The following PTPN12 variants were observed in gnomAD, a reference collection of about 807,000 sequenced individuals.
PTPN12 encodes the protein protein tyrosine phosphatase non-receptor type 12.
A neutral mutation model predicts 97.6 loss-of-function variants in PTPN12; 29 were observed. The ratio of observed to expected loss-of-function variants is 0.30; its 90% CI spans 0.22 to 0.41. The LOEUF (loss-of-function observed/expected upper bound fraction) is 0.41. Among genes scored for constraint, PTPN12 ranks in the 10% least tolerant of loss-of-function variants. The pLI, the probability that PTPN12 is intolerant of heterozygous loss-of-function variation, is 1.00. For missense variants in PTPN12, 819 were observed against 926.0 expected (o/e 0.88, Z 1.50); for synonymous variants, 327 against 300.4 (o/e 1.09, Z -0.91).
At chr7:77,544,602 A>G (rs1372264386) in intron 1 of PTPN12, among the ~76,000 whole-genome samples, 1 of 152,258 alleles carries the variant, frequency 6.6e-6, no homozygotes, top group Non-Finnish European at 1.5e-5. Flanking sequence ...TGAAAGTAAG[A>G]CATTAACATT....
intron 1 of PTPN12, among the ~76,000 whole-genome samples, chr7:77,542,835 T>C (rs1807044653): frequency 6.6e-6 from 1 of 152,042 alleles, no homozygotes; most frequent in East Asian, 1.9e-4. Context: ...CCAGTAGAAA[T>C]GTAGAGCTCA....
intron 6 of PTPN12, among the ~76,000 whole-genome samples, chr7:77,595,116 G>GTGGTT (rs1435074474): frequency 1.3e-5 from 2 of 152,330 alleles, no homozygotes; most frequent in Non-Finnish European, 2.9e-5. Context: ...CTCTAGATAA[G>GTGGTT]TGGTTTGGTT....
At chr7:77,602,188 AG>A (rs1788212885) in intron 8 of PTPN12, among the ~76,000 whole-genome samples, 1 of 151,766 alleles carries the variant, frequency 6.6e-6, no homozygotes, top group South Asian at 2.1e-4. Context: ...GTATTCTAGA[AG>A]GGGGGTTAAT....
At position 77,573,105 on chromosome 7, in the gene PTPN12, C is replaced by CAACAAAAA. The variant is rs1554314864; in HGVS notation, c.208+1921_208+1922insCAAAAAAA. On this transcript the variant is annotated intron_variant, in intron 2 of 17. Transcript: ENST00000248594. ...CTCAAAAAAAAAAAAAACAAAAAAACAAAAAAAACCAGTGTACCTAGCACA... is the reference window on the plus strand; with the variant it reads ...CTCAAAAAAAAAAAAAACAAAAAAACAACAAAAAAAAAAAAACCAGTGTACCTAGCACA... Among the ~76,000 whole-genome samples, 9 of 47,844 alleles carry CAACAAAAA rather than the reference C, an allele frequency of 1.9e-4. 3 individuals are homozygous for CAACAAAAA. The highest frequency in any genetic ancestry group is 9.8e-4 in the African/African-American group (8 of 8,144). The allele number at this position is 47,844 out of a possible 152,430, so 31.4% of individuals were successfully genotyped here.
intron 14 of PTPN12, among the ~76,000 whole-genome samples, chr7:77,633,970 C>G (rs1468214770): frequency 6.6e-6 from 1 of 152,152 alleles, no homozygotes; most frequent in Non-Finnish European, 1.5e-5. Context: ...TTGCAGCGAG[C>G]TGAGACCACG....
intron 1 of PTPN12, chr7:77,538,776 G>A (rs1180578753): frequency 1.3e-5 from 2 of 151,632 alleles, no homozygotes; most frequent in Non-Finnish European, 2.9e-5. Flanking sequence ...GTTGTTTCCC[G>A]GCTTAGGAGG....
intron 12 of PTPN12, among the ~76,000 whole-genome samples, chr7:77,623,582 G>A (rs570407655): frequency 2.6e-5 from 4 of 152,202 alleles, no homozygotes; most frequent in East Asian, 1.9e-4. Flanking sequence ...GTCATGGCGC[G>A]TGCCTATAAT....
chr7:77,583,140 A>C (rs746766834), intron 3 of PTPN12, among the ~76,000 whole-genome samples: 16 of 152,212 alleles, frequency 1.1e-4, no homozygotes, highest in Non-Finnish European at 1.9e-4. Context: ...TGAGTTGAAT[A>C]GATAATGGAA....
intron 14 of PTPN12, among the ~76,000 whole-genome samples, chr7:77,632,754 G>A (rs1232809053): frequency 2.0e-5 from 3 of 151,578 alleles, no homozygotes; most frequent in Admixed American, 6.6e-5. Context: ...GTCAGGAGTT[G>A]GAGACCAGCC....
intron 13 of PTPN12, among the ~76,000 whole-genome samples, chr7:77,628,560 ATTTTT>A (rs34494082): frequency 7.0e-6 from 1 of 143,806 alleles, no homozygotes; most frequent in Non-Finnish European, 1.5e-5. Flanking sequence ...ACCTTGAAAG[ATTTTT>A]TTTTTTTTTT....
At position 77,627,106 on chromosome 7, in the gene PTPN12, C is replaced by G. The variant is rs766786152; in HGVS notation, c.1427C>G (p.Ser476Cys). The part of the protein sequence containing the change: ...SASPCIADKI[S>C]KPQELSSDLN... ...TCACCTTGTATAGCTGATAAAATCTCTAAGCCACAGGAATTAAGTTCAGAT... is the reference window on the plus strand; with the variant it reads ...TCACCTTGTATAGCTGATAAAATCTGTAAGCCACAGGAATTAAGTTCAGAT... Residue 476 changes from serine to cysteine, a missense_variant, in exon 13 of 18, where the codon TCT (serine) becomes TGT (cysteine). Physicochemically the swap from Ser to Cys is moderately radical, Grantham distance 112. Coordinates refer to ENST00000248594, the MANE Select transcript of PTPN12 (RefSeq NM_002835.4). 10 of 1,614,156 alleles carry G rather than the reference C, an allele frequency of 6.2e-6. No homozygotes were observed. In the South Asian group the frequency reaches 1.1e-4, roughly 18 times the overall value.
intron 14 of PTPN12, among the ~76,000 whole-genome samples, chr7:77,634,060 T>G (rs1321090674): frequency 1.3e-5 from 2 of 151,946 alleles, no homozygotes; most frequent in Non-Finnish European, 2.9e-5. Context: ...ATTAGCCAGG[T>G]GTGGTGGCAT....
At position 77,537,317 on chromosome 7, in the gene PTPN12, T is replaced by C. The variant is rs1423444339; in HGVS notation, c.-230T>C. The C allele has an allele frequency of 1.3e-5, 6 of 452,774 alleles. No individual in the cohort carries two copies. The highest frequency in any genetic ancestry group is 1.9e-5 in the Non-Finnish European group (5 of 270,232). The allele number at this position is 452,774 out of a possible 1,614,324, so 28.0% of individuals were successfully genotyped here. On this transcript the variant is annotated 5_prime_UTR_variant, in exon 1 of 18. Coordinates refer to ENST00000248594, the MANE Select transcript of PTPN12 (RefSeq NM_002835.4). The stretch of plus-strand genomic sequence containing the variant: ...GGCGCTAGCGCAGCGGCTCGCCTGG[T>C]ACTGTGGGAGAGCGGCGGCTGCTCC...
intron 12 of PTPN12, among the ~76,000 whole-genome samples, chr7:77,621,173 G>A (rs1228247897): frequency 6.6e-6 from 1 of 151,738 alleles, no homozygotes; most frequent in Non-Finnish European, 1.5e-5. Context: ...AGTAGCCTAA[G>A]CATACACAGG....
intron 13 of PTPN12, among the ~76,000 whole-genome samples, chr7:77,629,898 G>A (rs552799546): frequency 6.8e-6 from 1 of 147,442 alleles, no homozygotes; most frequent in African/African-American, 2.5e-5. Flanking sequence ...CCATAATTGC[G>A]TCCCGGCACT....
At chr7:77,546,952 T>G (rs895938465) in intron 1 of PTPN12, among the ~76,000 whole-genome samples, 17 of 152,306 alleles carry the variant, frequency 1.1e-4, no homozygotes, top group African/African-American at 4.1e-4. Flanking sequence ...AAGATGAGAT[T>G]TGGTGGGGAC....
chr7:77,629,660 C>T (rs891906133), intron 13 of PTPN12, among the ~76,000 whole-genome samples: 1 of 151,660 alleles, frequency 6.6e-6, no homozygotes, highest in Non-Finnish European at 1.5e-5. Flanking sequence ...TACTACATGA[C>T]GAGTCTGTTG....
At chr7:77,621,338 A>G (rs1445365736) in intron 12 of PTPN12, among the ~76,000 whole-genome samples, 1 of 152,082 alleles carries the variant, frequency 6.6e-6, no homozygotes, top group Non-Finnish European at 1.5e-5. Flanking sequence ...TTTAACAGTT[A>G]ACTAATTTTT....
chr7:77,537,397 C>A lies in PTPN12; in HGVS notation c.-150C>A. 1 of 952,148 alleles carries A rather than the reference C, an allele frequency of 1.1e-6. No homozygotes were observed. Among genetic ancestry groups the A allele is most frequent in the Non-Finnish European group, 1.3e-6 (1 of 765,502 alleles). 59.0% of individuals were successfully genotyped at this position (952,148 alleles called of 1,614,324 possible). ...GTGCCGCCGCAGCCGCCGCCTAGGG[C>A]GGTGGGGAGGAGGAGGGAGCCGCGG... On this transcript the variant is annotated 5_prime_UTR_variant, in exon 1 of 18. Transcript: ENST00000248594.
Sources: allele counts gnomAD v4.1 joint callset (sites outside exome capture counted in the v4.1 genomes callset), GRCh38; gene constraint gnomAD v4.1.1; transcripts MANE v1.5; gene names NCBI Gene and HGNC (gene_info 2026-07-23, HGNC 2026-07-21).